Variants in GRIK3 observed in about 807,000 individuals in gnomAD.
The protein encoded by GRIK3 is glutamate ionotropic receptor kainate type subunit 3.
In GRIK3, 29 loss-of-function variants were observed where a neutral mutation model predicts 102.5. That is an observed-to-expected ratio of 0.28 (90% CI 0.21 to 0.39). GRIK3 has a LOEUF of 0.39. GRIK3 is among the 10% of genes least tolerant of loss of function. GRIK3 has a pLI of 1.00. For synonymous variants in GRIK3, 511 were observed against 504.9 expected (o/e 1.01, Z -0.16); for missense variants, 908 against 1,252.4 (o/e 0.73, Z 4.15).
intron 10 of GRIK3, among the ~76,000 whole-genome samples, chr1:36,833,926 C>G (rs1003426540): frequency 1.3e-5 from 2 of 152,218 alleles, no homozygotes; most frequent in East Asian, 3.9e-4. Flanking sequence ...CCTGACCTCT[C>G]GAGTCTCCAA....
At chr1:36,967,403 G>T (rs1473258556) in intron 1 of GRIK3, among the ~76,000 whole-genome samples, 1 of 152,216 alleles carries the variant, frequency 6.6e-6, no homozygotes, top group African/African-American at 2.4e-5. Flanking sequence ...ACTACCCTCT[G>T]CTCAGGGATC....
chr1:36,910,294 A>T (rs1201309546), intron 1 of GRIK3, among the ~76,000 whole-genome samples: 1 of 152,222 alleles, frequency 6.6e-6, no homozygotes, highest in Non-Finnish European at 1.5e-5. Flanking sequence ...ACTGCTTTGT[A>T]CTTTTTCTGA....
At chr1:36,947,200 T>C (rs1183745568) in intron 1 of GRIK3, among the ~76,000 whole-genome samples, 1 of 152,030 alleles carries the variant, frequency 6.6e-6, no homozygotes, top group African/African-American at 2.4e-5. Context: ...TTTCCGATCA[T>C]GGTACCCAAC....
At chr1:36,802,115 A>G (rs985912753) in intron 15 of GRIK3, 70 bp from the exon 16 acceptor site, 1 of 1,108,178 alleles carries the variant, frequency 9.0e-7, no homozygotes, top group Admixed American at 2.3e-5. Context: ...AACTCCAGCC[A>G]GTTCCTCCCC....
At chr1:36,933,866 G>A (rs144648657) in intron 1 of GRIK3, among the ~76,000 whole-genome samples, 159 of 152,172 alleles carry the variant, frequency 1.0e-3, no homozygotes, top group African/African-American at 3.7e-3. Flanking sequence ...CCCTCTCTTC[G>A]ACCTTCTGCT....
At chr1:36,858,351 C>T (rs530549826) in intron 7 of GRIK3, among the ~76,000 whole-genome samples, 1 of 152,330 alleles carries the variant, frequency 6.6e-6, no homozygotes, top group South Asian at 2.1e-4. Context: ...GTAACAGAGC[C>T]AGGATGCAAG....
chr1:36,921,834 G>T (rs149362251), intron 1 of GRIK3, among the ~76,000 whole-genome samples: 1 of 152,090 alleles, frequency 6.6e-6, no homozygotes, highest in Non-Finnish European at 1.5e-5. Context: ...GCCCTGCTTT[G>T]TCCTGAGGGT....
chr1:36,932,636 T>A (rs969806837), intron 1 of GRIK3, among the ~76,000 whole-genome samples: 2 of 152,236 alleles, frequency 1.3e-5, no homozygotes, highest in Non-Finnish European at 2.9e-5. Flanking sequence ...AAGAAGCTTC[T>A]TGGCTAAAAT....
intron 15 of GRIK3, among the ~76,000 whole-genome samples, chr1:36,802,355 C>T (rs2124173789): frequency 6.6e-6 from 1 of 152,272 alleles, no homozygotes; most frequent in South Asian, 2.1e-4. Flanking sequence ...TTACCTGTGC[C>T]ATTTTTCTTC....
chr1:36,807,964 T>C (rs1485481697), intron 13 of GRIK3, among the ~76,000 whole-genome samples: 1 of 152,188 alleles, frequency 6.6e-6, no homozygotes, highest in Non-Finnish European at 1.5e-5. Flanking sequence ...CTTTCAGCCA[T>C]TGCTACTCTC....
rs77263993 is a variant in GRIK3 at position 36,913,264 on chromosome 1, G to A, written c.116-22168C>T. On this transcript the variant is annotated intron_variant, in intron 1 of 15. Transcript: ENST00000373091. The stretch of plus-strand genomic sequence containing the variant: ...CAGGGAGAGAACCCTGCCACCAGCA[G>A]CCCCTCTGTGCCAGCCTGCCCACCC... Among the ~76,000 whole-genome samples, 1,008 of 152,286 alleles carry A rather than the reference G, an allele frequency of 6.6e-3. 46 individuals carry two copies. The East Asian group carries it at 0.1, about 16-fold the overall frequency.
chr1:36,874,065 A>G (rs1640885662), intron 3 of GRIK3, among the ~76,000 whole-genome samples: 1 of 152,084 alleles, frequency 6.6e-6, no homozygotes, highest in South Asian at 2.1e-4. Context: ...GCTGCCCCCA[A>G]ACTTTTTTTG....
Position 36,859,157 on chromosome 1 carries a change from C to T in GRIK3, c.1055G>A (p.Arg352Gln). 1 of 1,613,728 alleles carries T rather than the reference C, an allele frequency of 6.2e-7. No individual in the cohort carries two copies. Among genetic ancestry groups the T allele is most frequent in the Non-Finnish European group, 8.5e-7 (1 of 1,179,684 alleles). ...QMTVNSLQCH[R>Q]HKAWRFGGRF... ...GCCGCCAAAGCGCCAGGCCTTGTGC[C>T]GATGGCACTGCAGGGAGTTCACGGT... The change falls in exon 7 of 16, where the codon CGG becomes CAG. Residue 352 changes from arginine (R) to glutamine (Q), a missense_variant. Physicochemically the swap from Arg to Gln is conservative, Grantham distance 43 (BLOSUM62 1). This residue lies in a region of GRIK3 where 585 missense variants were observed against 824.9 expected (regional missense o/e 0.71). Transcript: ENST00000373091.
At chr1:37,020,278 T>A (rs1642695881) in intron 1 of GRIK3, among the ~76,000 whole-genome samples, 2 of 152,176 alleles carry the variant, frequency 1.3e-5, no homozygotes, top group East Asian at 3.8e-4. Flanking sequence ...CCGCTGGGGT[T>A]GTTTAGGGAA....
intron 5 of GRIK3, among the ~76,000 whole-genome samples, chr1:36,865,334 A>G (rs1197837027): frequency 6.6e-6 from 1 of 152,126 alleles, no homozygotes; most frequent in Non-Finnish European, 1.5e-5. Flanking sequence ...GAAGAAGCAA[A>G]TTTGGAGAAT....
chr1:36,838,901 A>G (rs753153759), intron 10 of GRIK3, among the ~76,000 whole-genome samples: 1 of 152,180 alleles, frequency 6.6e-6, no homozygotes, highest in Non-Finnish European at 1.5e-5. Flanking sequence ...GGGCTTAACA[A>G]GGTCCCCTGC....
rs1382401032 is a variant in GRIK3, at chr1:36,797,935, C to CCAGGG, written c.*3911_*3915dup. 2 of 152,478 alleles carry CCAGGG rather than the reference C, an allele frequency of 1.3e-5. No individual in the cohort carries two copies. The highest frequency in any genetic ancestry group is 4.8e-5 in the African/African-American group (2 of 41,464). 9.4% of individuals were successfully genotyped at this position (152,478 alleles called of 1,614,324 possible). ...TGGCCTGGGCCAGGATTCCCATCTT[C>CCAGGG]CAGGGCCTAGGGCATGGCAGGGGTT... On this transcript the variant is annotated 3_prime_UTR_variant, in exon 16 of 16. Coordinates refer to ENST00000373091, the MANE Select transcript of GRIK3 (RefSeq NM_000831.4).
chr1:36,856,701 G>A (rs1570763042), intron 7 of GRIK3, among the ~76,000 whole-genome samples: 1 of 152,220 alleles, frequency 6.6e-6, no homozygotes, highest in East Asian at 1.9e-4. Context: ...GGTTCTGTGA[G>A]GGAGTGTGAG....
chr1:36,961,054 C>A (rs946213749), intron 1 of GRIK3, among the ~76,000 whole-genome samples: 4 of 152,242 alleles, frequency 2.6e-5, no homozygotes, highest in African/African-American at 7.2e-5. Context: ...ACTCTCATAT[C>A]CCAGGAACAG....
Sources: allele counts gnomAD v4.1 joint callset (sites outside exome capture counted in the v4.1 genomes callset), GRCh38; gene constraint gnomAD v4.1.1; regional missense constraint gnomAD v4.1.1; transcripts MANE v1.5; gene names NCBI Gene and HGNC (gene_info 2026-07-23, HGNC 2026-07-21).